Variants in AGBL1 observed in about 807,000 individuals in gnomAD.
AGBL1 encodes cytosolic carboxypeptidase 4.
Under a neutral mutation model 118.9 loss-of-function variants are expected in AGBL1, and 130 were observed. The observed-to-expected ratio is 1.09, with a 90% CI of 0.95 to 1.26. The LOEUF is 1.26. Among genes scored for constraint, AGBL1 ranks in the 50% most tolerant of loss-of-function variants. AGBL1 has a pLI of 0.00. For missense variants in AGBL1, 1,584 were observed against 1,298.1 expected (o/e 1.22, Z -3.38); for synonymous variants, 555 against 478.9 (o/e 1.16, Z -2.08).
At chr15:86,285,871 C>G (rs1388392436) in intron 16 of AGBL1, among the ~76,000 whole-genome samples, 1 of 152,172 alleles carries the variant, frequency 6.6e-6, no homozygotes, top group Non-Finnish European at 1.5e-5. Flanking sequence ...GGACAGTGCT[C>G]ATGTGCCCTA....
intron 22 of AGBL1, among the ~76,000 whole-genome samples, chr15:86,809,771 T>G (rs2141365732): frequency 6.6e-6 from 1 of 152,306 alleles, no homozygotes; most frequent in Admixed American, 6.5e-5. Context: ...TATATTATTT[T>G]GGTAGATCAC....
intron 1 of AGBL1, among the ~76,000 whole-genome samples, chr15:86,126,773 A>T (rs777976255): frequency 1.1e-4 from 16 of 152,308 alleles, no homozygotes; most frequent in Non-Finnish European, 2.4e-4. Context: ...TTTCTTCCAA[A>T]CTGCTTCCTG....
chr15:86,742,117 C>T (rs2077688867), intron 22 of AGBL1, among the ~76,000 whole-genome samples: 1 of 151,984 alleles, frequency 6.6e-6, no homozygotes, highest in Admixed American at 6.6e-5. Flanking sequence ...GGCATTGAGC[C>T]ATCTATACTC....
At chr15:86,568,602 C>T (rs1443690706) in intron 21 of AGBL1, among the ~76,000 whole-genome samples, 1 of 152,190 alleles carries the variant, frequency 6.6e-6, no homozygotes, top group African/African-American at 2.4e-5. Context: ...GCATGGGATG[C>T]TAATCTTCTT....
chr15:86,722,615 A>G (rs938004796), intron 22 of AGBL1, among the ~76,000 whole-genome samples: 10 of 150,610 alleles, frequency 6.6e-5, no homozygotes, highest in Admixed American at 5.9e-4. Flanking sequence ...TTCCTGTCTA[A>G]AACACCAAAA....
chr15:86,114,289 G>A (rs979375274), intron 1 of AGBL1, among the ~76,000 whole-genome samples: 1 of 152,176 alleles, frequency 6.6e-6, no homozygotes, highest in South Asian at 2.1e-4. Context: ...TGGACCCTTG[G>A]GGGAGGTGAG....
At chr15:86,520,215 TA>T (rs2083170122) in intron 18 of AGBL1, among the ~76,000 whole-genome samples, 1 of 152,326 alleles carries the variant, frequency 6.6e-6, no homozygotes, top group East Asian at 1.9e-4. Context: ...GATGAAGATG[TA>T]GACATAGATA....
chr15:86,827,079 C>A (rs1214248890), intron 22 of AGBL1, among the ~76,000 whole-genome samples: 1 of 150,646 alleles, frequency 6.6e-6, no homozygotes, highest in Non-Finnish European at 1.5e-5. Context: ...CCTCTGATTT[C>A]CCCCAAAGGG....
rs147833949 is a variant in AGBL1 at position 86,442,267 on chromosome 15, C to T, written c.2555+44721C>T. Among the ~76,000 whole-genome samples, 867 of 152,272 alleles carry T rather than the reference C, an allele frequency of 5.7e-3. 6 individuals carry two copies. The highest frequency in any genetic ancestry group is 8.0e-3 in the Non-Finnish European group (546 of 68,030). On this transcript the variant is annotated intron_variant, in intron 18 of 22. Transcript: ENST00000614907. ...GCTGAGAGTGAAGGAGATATTTCCC[C>T]CATCTCTTAATATTCTCAGGGCTAC...
chr15:86,649,820 T>G (rs1453209491), intron 21 of AGBL1, among the ~76,000 whole-genome samples: 1 of 152,040 alleles, frequency 6.6e-6, no homozygotes, highest in African/African-American at 2.4e-5. Context: ...TTATATACAA[T>G]TAATGATTGC....
intron 22 of AGBL1, among the ~76,000 whole-genome samples, chr15:86,817,787 C>T (rs893780404): frequency 6.6e-6 from 1 of 152,024 alleles, no homozygotes; most frequent in Non-Finnish European, 1.5e-5. Flanking sequence ...CAAACAGGGT[C>T]TTTGCAGACG....
At chr15:86,171,467 A>G (rs886109052) in intron 5 of AGBL1, among the ~76,000 whole-genome samples, 2 of 152,194 alleles carry the variant, frequency 1.3e-5, no homozygotes, top group African/African-American at 2.4e-5. Flanking sequence ...AACGTACACT[A>G]AAGCAACCAC....
At chr15:87,011,264 A>T (rs2081557177) in intron 24 of AGBL1, among the ~76,000 whole-genome samples, 2 of 152,204 alleles carry the variant, frequency 1.3e-5, no homozygotes, top group African/African-American at 4.8e-5. Flanking sequence ...TGAGTACCTG[A>T]ATGGTTGCAT....
chr15:86,916,585 T>C (rs1392917161), downstream of AGBL1, among the ~76,000 whole-genome samples: 1 of 152,232 alleles, frequency 6.6e-6, no homozygotes, highest in Non-Finnish European at 1.5e-5. Flanking sequence ...TAGAACATTA[T>C]AACAGAAGTT....
chr15:86,234,247 T>A (rs2078501514), intron 6 of AGBL1, among the ~76,000 whole-genome samples: 1 of 152,040 alleles, frequency 6.6e-6, no homozygotes, highest in Admixed American at 6.6e-5. Flanking sequence ...CTCAGAACTC[T>A]TACTCCGAAA....
chr15:86,252,709 AC>A (rs1323194856), intron 7 of AGBL1, among the ~76,000 whole-genome samples: 1 of 152,198 alleles, frequency 6.6e-6, no homozygotes, highest in Admixed American at 6.5e-5. Context: ...TGGTTTGTGA[AC>A]TGTTCAGAGA....
chr15:86,676,370 G>A (rs2085846866), intron 22 of AGBL1, among the ~76,000 whole-genome samples: 1 of 152,132 alleles, frequency 6.6e-6, no homozygotes, highest in Non-Finnish European at 1.5e-5. Context: ...GCATGGTTGA[G>A]AGGGAGATCA....
intron 22 of AGBL1, among the ~76,000 whole-genome samples, chr15:86,755,823 A>G (rs534838363): frequency 6.6e-6 from 1 of 152,138 alleles, no homozygotes; most frequent in Non-Finnish European, 1.5e-5. Flanking sequence ...AGCACAGGAC[A>G]TCTTGCTTCA....
intron 21 of AGBL1, among the ~76,000 whole-genome samples, chr15:86,622,173 CAA>C (rs543730517): frequency 2.0e-5 from 3 of 151,814 alleles, no homozygotes; most frequent in African/African-American, 7.3e-5. Flanking sequence ...ACTAAAAATA[CAA>C]AAAAATTAGC....
Sources: allele counts gnomAD v4.1 joint callset (sites outside exome capture counted in the v4.1 genomes callset), GRCh38; gene constraint gnomAD v4.1.1; transcripts MANE v1.5; gene names NCBI Gene and HGNC (gene_info 2026-07-23, HGNC 2026-07-21).